The following BICD1 variants were observed in gnomAD, a reference collection of about 807,000 sequenced individuals.
The protein encoded by BICD1 is BICD cargo adaptor 1.
A neutral mutation model predicts 92.5 loss-of-function variants in BICD1; 35 were observed. That is an observed-to-expected ratio of 0.38 (90% CI 0.29 to 0.50). BICD1 has a LOEUF of 0.50. Ranked by LOEUF, BICD1 falls within the 20% of genes least tolerant of loss-of-function variation. The probability of loss-of-function intolerance (pLI) is 0.93; values close to 1 mark genes in which losing one functional copy is unlikely to be tolerated. For missense variants in BICD1, 950 were observed against 1,189.8 expected (o/e 0.80, Z 2.97); for synonymous variants, 429 against 465.1 (o/e 0.92, Z 1.00).
chr12:32,158,106 C>CTTTTTT (rs35906528), intron 1 of BICD1, among the ~76,000 whole-genome samples: 1 of 125,748 alleles, frequency 8.0e-6, no homozygotes, highest in Admixed American at 8.4e-5. Flanking sequence ...TTTTTTTTTT[C>CTTTTTT]TTTTTTTTTT....
intron 1 of BICD1, among the ~76,000 whole-genome samples, chr12:32,128,274 G>T (rs947632744): frequency 6.6e-6 from 1 of 152,182 alleles, no homozygotes; most frequent in Non-Finnish European, 1.5e-5. Context: ...TATTCAAAAA[G>T]GTACAAGTTC....
chr12:32,130,077 G>A (rs1942486860), intron 1 of BICD1, among the ~76,000 whole-genome samples: 1 of 152,154 alleles, frequency 6.6e-6, no homozygotes, highest in Non-Finnish European at 1.5e-5. Flanking sequence ...TAGTCAGAGA[G>A]GATTTGCAAG....
chr12:32,194,199 C>A (rs1360154100), intron 1 of BICD1, among the ~76,000 whole-genome samples: 1 of 152,158 alleles, frequency 6.6e-6, no homozygotes, highest in East Asian at 1.9e-4. Context: ...AAGGAATATA[C>A]CTCAACATAA....
intron 3 of BICD1, among the ~76,000 whole-genome samples, chr12:32,299,934 A>G (rs998523069): frequency 3.9e-5 from 6 of 152,160 alleles, no homozygotes; most frequent in Non-Finnish European, 7.3e-5. Context: ...GAAGGGCCAG[A>G]TAGTAAGTAT....
intron 1 of BICD1, among the ~76,000 whole-genome samples, chr12:32,123,424 A>G (rs1284911531): frequency 6.6e-6 from 1 of 152,254 alleles, no homozygotes; most frequent in Non-Finnish European, 1.5e-5. Context: ...ACATTCAAGC[A>G]CGACTAAGAC....
intron 2 of BICD1, among the ~76,000 whole-genome samples, chr12:32,273,743 G>C (rs1465908203): frequency 6.6e-6 from 1 of 152,160 alleles, no homozygotes; most frequent in Non-Finnish European, 1.5e-5. Flanking sequence ...CTAAAACCGG[G>C]TTCTTGTCAC....
Position 32,344,051 on chromosome 12 carries a change from T to G in BICD1, c.2764+5072T>G, listed in dbSNP as rs189037316. On this transcript the variant is annotated intron_variant, in intron 8 of 9. Coordinates refer to ENST00000652176, the MANE Select transcript of BICD1 (RefSeq NM_001714.4). The stretch of plus-strand genomic sequence containing the variant: ...CTATGTGTCAGGCACTTTTCTTGGC[T>G]CTTGATATACAATGATATTCAAATA... Among the ~76,000 whole-genome samples, 225 of 152,358 alleles carry G rather than the reference T, an allele frequency of 1.5e-3. 2 individuals carry two copies. The highest frequency in any genetic ancestry group is 6.8e-3 in the Middle Eastern group (2 of 294).
chr12:32,229,021 G>A (rs112683871), intron 2 of BICD1, among the ~76,000 whole-genome samples: 1 of 151,998 alleles, frequency 6.6e-6, no homozygotes, highest in Non-Finnish European at 1.5e-5. Context: ...AGGCTGAGGC[G>A]AGCGGATTAC....
Position 32,216,247 on chromosome 12 carries a change from G to C in BICD1, c.214G>C (p.Ala72Pro). The C allele has an allele frequency of 6.2e-7, 1 of 1,613,110 alleles. No homozygotes were observed. The highest frequency in any genetic ancestry group is 8.5e-7 in the Non-Finnish European group (1 of 1,179,808). The part of the protein sequence containing the change: ...LKQELEQLKE[A>P]FGQSFSIHRK... ...CTTTTTCTTCCCATATACTCTGCAG[G>C]CATTTGGGCAGTCCTTCTCCATCCA... Residue 72 changes from alanine (A) to proline (P), a missense_variant and splice_region_variant, in exon 2 of 10, where the codon GCA (alanine) becomes CCA (proline). Physicochemically the swap from Ala to Pro is conservative, Grantham distance 27. Around this residue, in one of 5 missense-constraint regions of BICD1, gnomAD observed 202 missense variants for 205.3 expected, o/e 0.98. Coordinates refer to ENST00000652176, the MANE Select transcript of BICD1 (RefSeq NM_001714.4).
chr12:32,254,683 T>G (rs1352324588), intron 2 of BICD1, among the ~76,000 whole-genome samples: 1 of 152,166 alleles, frequency 6.6e-6, no homozygotes, highest in African/African-American at 2.4e-5. Context: ...CCTTGCTGAA[T>G]CGAGCCTTTG....
At position 32,338,996 on chromosome 12, in the gene BICD1, T is replaced by C. The variant is rs1391543662; in HGVS notation, c.2764+17T>C. On this transcript the variant is annotated intron_variant, in intron 8 of 9. Coordinates refer to ENST00000652176, the MANE Select transcript of BICD1 (RefSeq NM_001714.4). The stretch of plus-strand genomic sequence containing the variant: ...CTCCACCAGGTAAACATTTTTTCCT[T>C]GGGTGCATGTGATGCAAATGATTAG... The C allele has an allele frequency of 1.9e-6, 3 of 1,577,490 alleles. No homozygotes were observed. The highest frequency in any genetic ancestry group is 2.7e-5 in the African/African-American group (2 of 72,744).
At chr12:32,184,149 T>C (rs539658853) in intron 1 of BICD1, among the ~76,000 whole-genome samples, 1 of 152,294 alleles carries the variant, frequency 6.6e-6, no homozygotes, top group East Asian at 1.9e-4. Flanking sequence ...TGTTTAATCA[T>C]TTATCAAGGT....
rs995543194 is a variant in BICD1 at position 32,207,151 on chromosome 12, A to C, written c.214-9096A>C. Among the ~76,000 whole-genome samples, 3 of 152,310 alleles carry C rather than the reference A, an allele frequency of 2.0e-5. 1 individual carries two copies. ...CTAGTGGGTCTTGGTCCCGTTCTTA[A>C]ACTATAGGAATTCATTTTAATGTTA... On this transcript the variant is annotated intron_variant, in intron 1 of 9. Coordinates refer to ENST00000652176, the MANE Select transcript of BICD1 (RefSeq NM_001714.4).
chr12:32,238,026 C>A (rs1267680199), intron 2 of BICD1, among the ~76,000 whole-genome samples: 1 of 152,184 alleles, frequency 6.6e-6, no homozygotes, highest in Non-Finnish European at 1.5e-5. Flanking sequence ...ATTCTAGATA[C>A]TGTTGGGAGG....
intron 1 of BICD1, among the ~76,000 whole-genome samples, chr12:32,138,857 ATATAAT>A (rs559000561): frequency 2.0e-5 from 3 of 152,294 alleles, no homozygotes; most frequent in African/African-American, 7.2e-5. Flanking sequence ...GTTTAGATAG[ATATAAT>A]TAGATATCTA....
intron 2 of BICD1, among the ~76,000 whole-genome samples, chr12:32,272,227 CAAT>C (rs1373553420): frequency 6.6e-6 from 1 of 152,054 alleles, no homozygotes; most frequent in East Asian, 1.9e-4. Flanking sequence ...TCTCCTGGCC[CAAT>C]AATGAGATGC....
At chr12:32,309,717 A>G (rs748529717) in intron 4 of BICD1, among the ~76,000 whole-genome samples, 3 of 152,196 alleles carry the variant, frequency 2.0e-5, no homozygotes, top group Non-Finnish European at 1.5e-5. Context: ...GGCGGCTGTC[A>G]GTTTTGCGCA....
At position 32,252,135 on chromosome 12, in the gene BICD1, T is replaced by TTATATATTATATATTATATTTATAATAAA. The variant is rs1946572197; in HGVS notation, c.426+35692_426+35693insTATTTATAATAAATATATATTATATATTA. Among the ~76,000 whole-genome samples the TTATATATTATATATTATATTTATAATAAA allele has an allele frequency of 1.9e-4, 12 of 62,514 alleles. No individual in the cohort carries two copies. In the East Asian group the frequency reaches 2.8e-3, roughly 14 times the overall value. 41.0% of individuals were successfully genotyped at this position (62,514 alleles called of 152,430 possible). ...ATATATTATATATTTATAATAAATA[T>TTATATATTATATATTATATTTATAATAAA]TATATATTATATATTACATATTATA... On this transcript the variant is annotated intron_variant, in intron 2 of 9. Coordinates refer to ENST00000652176, the MANE Select transcript of BICD1 (RefSeq NM_001714.4).
rs565388761 is a variant in BICD1 at position 32,246,674 on chromosome 12, A to C, written c.426+30215A>C. 7.2e-5 allele frequency among the ~76,000 whole-genome samples: 11 copies of C among 152,302 alleles called. No individual in the cohort carries two copies. In the East Asian group the frequency reaches 1.9e-3, roughly 27 times the overall value. ...TCTTTACAGTTATTTGATTATTTGC[A>C]GATTTTCAGTGTTTATTGTTTTTAC... On this transcript the variant is annotated intron_variant, in intron 2 of 9. Transcript: ENST00000652176.
Sources: gnomAD v4.1 joint callset for allele counts (sites outside exome capture counted in the v4.1 genomes callset) on GRCh38, gnomAD v4.1.1 for gene constraint, gnomAD v4.1.1 regional missense constraint, MANE v1.5 for transcripts, NCBI Gene and HGNC (gene_info 2026-07-23, HGNC 2026-07-21) for gene names.